The following IFT81 variants were observed in gnomAD, a reference collection of about 807,000 sequenced individuals.
IFT81 encodes the protein intraflagellar transport 81.
In IFT81, 72 loss-of-function variants were observed where a neutral mutation model predicts 102.6. The observed-to-expected ratio is 0.70, with a 90% CI of 0.58 to 0.85. IFT81 has a LOEUF of 0.85. Ranked by LOEUF, IFT81 falls within the 40% of genes least tolerant of loss-of-function variation. IFT81 has a pLI of 0.00. For synonymous variants in IFT81, 237 were observed against 242.7 expected (o/e 0.98, Z 0.22); for missense variants, 723 against 787.3 (o/e 0.92, Z 0.98).
intron 10 of IFT81, among the ~76,000 whole-genome samples, chr12:110,155,307 G>A (rs1455522484): frequency 2.6e-5 from 4 of 151,902 alleles, no homozygotes; most frequent in Admixed American, 6.6e-5. Context: ...GGATCATGTG[G>A]TTTCTTGGGG....
chr12:110,164,760 G>T (rs1195021436), intron 11 of IFT81, among the ~76,000 whole-genome samples: 1 of 152,120 alleles, frequency 6.6e-6, no homozygotes, highest in East Asian at 1.9e-4. Flanking sequence ...TTTAAGACAT[G>T]GGAGTGTTTT....
At chr12:110,181,573 T>A (rs1445980004) in intron 12 of IFT81, among the ~76,000 whole-genome samples, 1 of 152,218 alleles carries the variant, frequency 6.6e-6, no homozygotes, top group Non-Finnish European at 1.5e-5. Context: ...GTGAAGAGAA[T>A]GTATATTCTG....
At chr12:110,176,010 C>T (rs1485315222) in intron 11 of IFT81, among the ~76,000 whole-genome samples, 1 of 152,078 alleles carries the variant, frequency 6.6e-6, no homozygotes, top group African/African-American at 2.4e-5. Flanking sequence ...TGTCCCCATC[C>T]CACCAACCAC....
At chr12:110,189,223 C>T (rs984785747) in intron 12 of IFT81, among the ~76,000 whole-genome samples, 1 of 152,076 alleles carries the variant, frequency 6.6e-6, no homozygotes, top group Non-Finnish European at 1.5e-5. Flanking sequence ...TCTTCACTTC[C>T]TTGGTGATCT....
At chr12:110,156,358 C>G (rs974892256) in intron 10 of IFT81, among the ~76,000 whole-genome samples, 4 of 151,034 alleles carry the variant, frequency 2.6e-5, no homozygotes, top group Non-Finnish European at 5.9e-5. Flanking sequence ...TGAGTTACTT[C>G]CTAGTATCTT....
intron 1 of IFT81, 34 bp from the exon 2 acceptor site, chr12:110,127,326 A>G: frequency 7.1e-7 from 1 of 1,414,214 alleles, no homozygotes; most frequent in Non-Finnish European, 9.2e-7. Flanking sequence ...TGTTGCCAGT[A>G]TTAAGGATTT....
intron 11 of IFT81, among the ~76,000 whole-genome samples, chr12:110,179,048 A>T (rs1293278732): frequency 6.6e-6 from 1 of 152,104 alleles, no homozygotes; most frequent in Non-Finnish European, 1.5e-5. Flanking sequence ...TATGATGGGT[A>T]GGTAAATAGA....
chr12:110,214,496 C>T (rs1463672960), intron 18 of IFT81, among the ~76,000 whole-genome samples: 1 of 152,132 alleles, frequency 6.6e-6, no homozygotes, highest in Non-Finnish European at 1.5e-5. Flanking sequence ...ACTGGACATC[C>T]ATAGACCTCC....
intron 1 of IFT81, 128 bp downstream of exon 1, chr12:110,124,989 T>A (rs1199144844): frequency 1.3e-5 from 2 of 152,220 alleles, no homozygotes; most frequent in African/African-American, 2.4e-5. Flanking sequence ...TTTGTCCTTA[T>A]CGAGTGACCA....
At chr12:110,160,241 C>T (rs756313067) in intron 10 of IFT81, among the ~76,000 whole-genome samples, 13 of 152,136 alleles carry the variant, frequency 8.5e-5, no homozygotes, top group Non-Finnish European at 1.8e-4. Context: ...AAGGCAAAGT[C>T]TCATGATAGA....
At chr12:110,143,611 G>A in intron 9 of IFT81, 66 bp downstream of exon 9, 1 of 1,315,632 alleles carries the variant, frequency 7.6e-7, no homozygotes, top group South Asian at 1.5e-5. Context: ...AAAATTATGT[G>A]AACTGCTTTC....
At chr12:110,137,740 AAAAT>A (rs557508241) in intron 8 of IFT81, among the ~76,000 whole-genome samples, 3 of 151,970 alleles carry the variant, frequency 2.0e-5, no homozygotes, top group Non-Finnish European at 2.9e-5. Flanking sequence ...TGTCTCAAGA[AAAAT>A]AAATAAATAA....
Position 110,143,531 on chromosome 12 carries a change from G to A in IFT81, c.931G>A (p.Glu311Lys), listed in dbSNP as rs752285806. The A allele has an allele frequency of 6.4e-6, 10 of 1,553,370 alleles. No homozygotes were observed. The highest frequency in any genetic ancestry group is 8.6e-6 in the Non-Finnish European group (10 of 1,161,106). The change falls in exon 9 of 19, where the codon GAA (glutamate) becomes AAA (lysine). Residue 311 changes from glutamate (E) to lysine (K), a missense_variant. By Grantham distance (56) the Glu-to-Lys change is moderately conservative. Transcript: ENST00000242591. The stretch of plus-strand genomic sequence containing the variant: ...AGCTATGGGCCATTCTGATCTTCTT[G>A]AACTTGAATCTAAAGTAAGTGAGAA... Reference protein sequence around the residue: ...EPAMGHSDLLELESKINEINT... With the variant: ...EPAMGHSDLLKLESKINEINT...
intron 10 of IFT81, among the ~76,000 whole-genome samples, chr12:110,157,320 G>A (rs1472824754): frequency 1.3e-5 from 2 of 151,992 alleles, no homozygotes; most frequent in African/African-American, 4.8e-5. Context: ...TTGCACTTCA[G>A]CCTGGGCAAC....
intron 9 of IFT81, among the ~76,000 whole-genome samples, chr12:110,145,040 T>G (rs1025643517): frequency 2.0e-5 from 3 of 147,552 alleles, no homozygotes; most frequent in African/African-American, 7.5e-5. Flanking sequence ...TTTTTTTTTT[T>G]TTTTTTTTTT....
intron 13 of IFT81, among the ~76,000 whole-genome samples, chr12:110,191,473 A>G (rs1593357080): frequency 6.6e-6 from 1 of 152,116 alleles, no homozygotes; most frequent in African/African-American, 2.4e-5. Context: ...ACCCGGTCTC[A>G]TCTGTCTTTA....
chr12:110,133,458 A>C (rs891684692), intron 5 of IFT81, among the ~76,000 whole-genome samples: 5 of 57,980 alleles, frequency 8.6e-5, no homozygotes, highest in African/African-American at 1.4e-4. Context: ...TTCTGTCTCC[A>C]GAAAAAAAAA....
At chr12:110,182,615 C>G (rs1897352601) in intron 12 of IFT81, among the ~76,000 whole-genome samples, 1 of 152,188 alleles carries the variant, frequency 6.6e-6, no homozygotes, top group Non-Finnish European at 1.5e-5. Flanking sequence ...ATATTTCTTT[C>G]TGTCCCTGTT....
chr12:110,155,319 GT>G (rs939758699), intron 10 of IFT81, among the ~76,000 whole-genome samples: 196 of 151,460 alleles, frequency 1.3e-3, no homozygotes, highest in African/African-American at 4.5e-3. Context: ...TTCTTGGGGG[GT>G]TTTTTTTGAG....
Sources: gnomAD v4.1 joint callset for allele counts (sites outside exome capture counted in the v4.1 genomes callset) on GRCh38, gnomAD v4.1.1 for gene constraint, MANE v1.5 for transcripts, NCBI Gene and HGNC (gene_info 2026-07-23, HGNC 2026-07-21) for gene names.